Variants in SUPT6H observed in about 807,000 individuals in gnomAD.
The protein encoded by SUPT6H is transcription elongation factor SPT6.
In SUPT6H, 11 loss-of-function variants were observed where a neutral mutation model predicts 222.3. The ratio of observed to expected loss-of-function variants is 0.05; its 90% CI spans 0.03 to 0.08. The LOEUF (loss-of-function observed/expected upper bound fraction) is 0.08, where lower values mean the gene tolerates loss of function less well. Among genes scored for constraint, SUPT6H ranks in the 10% least tolerant of loss-of-function variants. The pLI is 1.00. For missense variants in SUPT6H, 1,422 were observed against 2,216.0 expected (o/e 0.64, Z 7.19); for synonymous variants, 762 against 801.2 (o/e 0.95, Z 0.83).
Position 28,693,682 on chromosome 17 carries a change from C to G in SUPT6H, c.3634-14C>G. 1 of 1,614,194 alleles carries G rather than the reference C, an allele frequency of 6.2e-7. No individual in the cohort carries two copies. Among genetic ancestry groups the G allele is most frequent in the Middle Eastern group, 1.7e-4 (1 of 6,058 alleles). On this transcript the variant is annotated splice_polypyrimidine_tract_variant and intron_variant, in intron 27 of 36. Coordinates refer to ENST00000314616, the MANE Select transcript of SUPT6H (RefSeq NM_003170.5). Reference sequence around the variant, plus strand: ...ATATTGATAATCAAGCTCTTCTCCTCATGCCCTCTTCAGGTGTGGAACCAC... The same window carrying G: ...ATATTGATAATCAAGCTCTTCTCCTGATGCCCTCTTCAGGTGTGGAACCAC...
intron 13 of SUPT6H, among the ~76,000 whole-genome samples, chr17:28,682,344 A>G (rs562726317): frequency 2.6e-5 from 4 of 152,164 alleles, no homozygotes; most frequent in East Asian, 3.9e-4. Context: ...CCAGTGCTCT[A>G]GCTGGGCACA....
chr17:28,669,672 C>T (rs1017829430), intron 1 of SUPT6H, among the ~76,000 whole-genome samples: 9 of 152,282 alleles, frequency 5.9e-5, no homozygotes, highest in Non-Finnish European at 1.0e-4. Context: ...TGGTGGCTCA[C>T]GCCTGTAGTC....
At chr17:28,696,351 CTT>C (rs1405066623) in intron 29 of SUPT6H, among the ~76,000 whole-genome samples, 13 of 147,342 alleles carry the variant, frequency 8.8e-5, no homozygotes, top group South Asian at 2.2e-4. Context: ...AATCCTAGCA[CTT>C]TGGGAGGCTG....
Position 28,675,123 on chromosome 17 carries a change from G to A in SUPT6H, c.499G>A (p.Ala167Thr). The change falls in exon 5 of 37, where the codon GCT (alanine) becomes ACT (threonine). Residue 167 changes from alanine to threonine, a missense_variant. Coordinates refer to ENST00000314616, the MANE Select transcript of SUPT6H (RefSeq NM_003170.5). ...EGQEAMEAPM[A>T]PPEEEEEDDE... ...GCAGGAGGCCATGGAGGCCCCCATG[G>A]CTCCTCCAGAGGAGGAGGAAGAAGA... 1 of 1,613,532 alleles carries A rather than the reference G, an allele frequency of 6.2e-7. No individual in the cohort carries two copies. Among genetic ancestry groups the A allele is most frequent in the Non-Finnish European group, 8.5e-7 (1 of 1,179,882 alleles).
intron 2 of SUPT6H, 24 bp downstream of exon 2, chr17:28,673,534 T>G (rs2030558823): frequency 6.6e-7 from 1 of 1,519,552 alleles, no homozygotes; most frequent in Non-Finnish European, 9.1e-7. Flanking sequence ...AGCCTCAAGC[T>G]TCTCCCCACT....
At chr17:28,695,693 A>T in intron 29 of SUPT6H, 146 bp downstream of exon 29, 1 of 946,116 alleles carries the variant, frequency 1.1e-6, no homozygotes, top group Non-Finnish European at 1.5e-6. Context: ...AGATGTCATG[A>T]AAAAGTCATA....
intron 1 of SUPT6H, among the ~76,000 whole-genome samples, chr17:28,667,665 G>T (rs1597684089): frequency 6.6e-6 from 1 of 151,134 alleles, no homozygotes; most frequent in Admixed American, 6.6e-5. Flanking sequence ...CCTTTTTCCA[G>T]ACTGTTTTCT....
chr17:28,672,067 T>C, intron 1 of SUPT6H, among the ~76,000 whole-genome samples: 1 of 152,234 alleles, frequency 6.6e-6, no homozygotes, highest in East Asian at 1.9e-4. Flanking sequence ...ACCCAAATGC[T>C]CCCAACCAGT....
At chr17:28,691,393 G>T (rs760815713) in intron 27 of SUPT6H, 4 of 249,032 alleles carry the variant, frequency 1.6e-5, no homozygotes, top group Middle Eastern at 1.5e-3. Flanking sequence ...AGTTGTGGTG[G>T]CATACGCCTG....
At chr17:28,676,953 G>A (rs1018823062) in intron 7 of SUPT6H, among the ~76,000 whole-genome samples, 1 of 152,110 alleles carries the variant, frequency 6.6e-6, no homozygotes, top group African/African-American at 2.4e-5. Flanking sequence ...TTATGGCCAG[G>A]CACGGTGGTT....
intron 1 of SUPT6H, among the ~76,000 whole-genome samples, chr17:28,668,971 C>T (rs568105385): frequency 6.6e-6 from 1 of 152,304 alleles, no homozygotes; most frequent in East Asian, 1.9e-4. Flanking sequence ...TACTATACCG[C>T]ATCTCTTTAG....
chr17:28,675,289 A>G, intron 5 of SUPT6H, 112 bp from the exon 6 acceptor site: 2 of 1,486,744 alleles, frequency 1.3e-6, no homozygotes, highest in Non-Finnish European at 1.8e-6. Context: ...GTTCCTTTTC[A>G]GGAGCTTCCC....
At position 28,696,885 on chromosome 17, in the gene SUPT6H, A is replaced by G; in HGVS notation, c.4012A>G (p.Ile1338Val). ...GATCGCACACCCATCCTTCCATAAT[A>G]TCAATTTCAAGCAAGCAGAAAAGAT... ...RVIAHPSFHNINFKQAEKMME... is the reference protein window; with the variant it reads ...RVIAHPSFHNVNFKQAEKMME... Residue 1338 changes from isoleucine (I) to valine (V), a missense_variant, in exon 30 of 37, where the codon ATC (isoleucine) becomes GTC (valine). Ile to Val is a conservative substitution (Grantham distance 29, BLOSUM62 3). Transcript: ENST00000314616. The G allele has an allele frequency of 6.2e-7, 1 of 1,613,960 alleles. No individual in the cohort carries two copies. Among genetic ancestry groups the G allele is most frequent in the Non-Finnish European group, 8.5e-7 (1 of 1,180,008 alleles).
intron 28 of SUPT6H, among the ~76,000 whole-genome samples, chr17:28,694,210 T>C (rs2031797748): frequency 6.6e-6 from 1 of 152,180 alleles, no homozygotes; most frequent in Admixed American, 6.5e-5. Context: ...AAATAATGCA[T>C]GGCACAGCCC....
At chr17:28,681,426 C>G (rs1207328113) in intron 12 of SUPT6H, 22 bp downstream of exon 12, 2 of 1,567,348 alleles carry the variant, frequency 1.3e-6, no homozygotes, top group Non-Finnish European at 1.7e-6. Context: ...AAAAGAAAAT[C>G]CAGGAGATTT....
At chr17:28,701,257 C>T in intron 36 of SUPT6H, 129 bp downstream of exon 36, 7 of 1,422,000 alleles carry the variant, frequency 4.9e-6, no homozygotes, top group Non-Finnish European at 5.7e-6. Context: ...ATGCCAGGAA[C>T]ACTAGTTTCT....
intron 9 of SUPT6H, 96 bp from the exon 10 acceptor site, chr17:28,678,449 C>T: frequency 2.4e-6 from 3 of 1,265,660 alleles, no homozygotes; most frequent in Admixed American, 1.8e-5. Context: ...GTTGAATTTC[C>T]TGGAGCTGTT....
Position 28,686,732 on chromosome 17 carries a change from G to A in SUPT6H, c.2643G>A (p.Gly881=), listed in dbSNP as rs1242031453. Residue 881 remains glycine, a synonymous_variant, in exon 21 of 37, where the codon GGG becomes GGA. Coordinates refer to ENST00000314616, the MANE Select transcript of SUPT6H (RefSeq NM_003170.5). ...LDQGQQLSSI[G]VELVDNELAI... The stretch of plus-strand genomic sequence containing the variant: ...AGGGCCAGCAGCTGTCATCTATTGG[G>A]GTAGAGCTGGTTGACAACGAGTTGG... The A allele has an allele frequency of 6.2e-7, 1 of 1,612,526 alleles. No homozygotes were observed. Among genetic ancestry groups the A allele is most frequent in the African/African-American group, 1.3e-5 (1 of 74,792 alleles).
chr17:28,692,104 A>G (rs180913422), intron 27 of SUPT6H, among the ~76,000 whole-genome samples: 15,256 of 149,566 alleles, frequency 0.1, 791 homozygotes, highest in South Asian at 0.15. Flanking sequence ...CGGGCGGATC[A>G]TGAGGTCAGG....
Sources: gnomAD v4.1 joint callset for allele counts (sites outside exome capture counted in the v4.1 genomes callset) on GRCh38, gnomAD v4.1.1 for gene constraint, MANE v1.5 for transcripts, NCBI Gene and HGNC (gene_info 2026-07-23, HGNC 2026-07-21) for gene names.